The following RAD23A variants were observed in gnomAD, a reference collection of about 807,000 sequenced individuals.
RAD23A encodes RAD23 nucleotide excision repair protein A.
In RAD23A, 16 loss-of-function variants were observed where a neutral mutation model predicts 44.8. The ratio of observed to expected loss-of-function variants is 0.36; its 90% CI spans 0.24 to 0.54. The LOEUF is 0.54. Ranked by LOEUF, RAD23A falls within the 20% of genes least tolerant of loss-of-function variation. RAD23A has a pLI of 0.89. For missense variants in RAD23A, 380 were observed against 483.3 expected (o/e 0.79, Z 2.00); for synonymous variants, 217 against 202.9 (o/e 1.07, Z -0.59).
At position 12,948,129 on chromosome 19, in the gene RAD23A, G is replaced by A. The variant is rs371691885; in HGVS notation, c.235-48G>A. On this transcript the variant is annotated intron_variant, in intron 2 of 8. Transcript: ENST00000586534. The surrounding 1 kb of genome is among the most constrained non-coding windows in gnomAD (Gnocchi z 5.5). ...GGGGCCACAGCGGAGCGGGTTGTTGGGTCTGATAGGGTTGCTGATGCCAGC... is the reference window on the plus strand; with the variant it reads ...GGGGCCACAGCGGAGCGGGTTGTTGAGTCTGATAGGGTTGCTGATGCCAGC... 64 of 1,611,914 alleles carry A rather than the reference G, an allele frequency of 4.0e-5. No homozygotes were observed. Among genetic ancestry groups the A allele is most frequent in the Middle Eastern group, 1.7e-4 (1 of 5,906 alleles).
rs200238909 is a variant in RAD23A, at chr19:12,948,540, G to T, written c.460G>T (p.Ala154Ser). Residue 154 changes from alanine to serine, a missense_variant, in exon 4 of 9, where the codon GCC becomes TCC. Transcript: ENST00000586534. The surrounding 1 kb of genome is among the most constrained non-coding windows in gnomAD (Gnocchi z 5.5). ...TAGCAGCGGGCGAGAGGAAGACGCG[G>T]CCTCCACGCTAGGTGGGTGGGTGGT... is the stretch of plus-strand genomic sequence containing the variant. ...SGSSGREEDA[A>S]STLVTGSEYE... is the part of the protein sequence containing the mutation. 13 of 1,595,022 alleles carry T rather than the reference G, an allele frequency of 8.2e-6. No individual in the cohort carries two copies. The African/African-American group carries it at 1.3e-4, about 16-fold the overall frequency.
At chr19:12,947,719 G>A (rs1971704210) in intron 1 of RAD23A, 129 bp from the exon 2 acceptor site, 1 of 799,040 alleles carries the variant, frequency 1.3e-6, no homozygotes, top group East Asian at 2.4e-5. Context: ...TGCTTTAGAT[G>A]CTGAGAAAGC....
rs752710312 is a variant in RAD23A, at chr19:12,952,808, G to A, written c.933G>A (p.Met311Ile). 1 of 1,611,186 alleles carries A rather than the reference G, an allele frequency of 6.2e-7. No individual in the cohort carries two copies. The highest frequency in any genetic ancestry group is 8.5e-7 in the Non-Finnish European group (1 of 1,178,688). The change falls in exon 8 of 9, where the codon ATG becomes ATA. Residue 311 changes from methionine (M) to isoleucine (I), a missense_variant. Transcript: ENST00000586534. The stretch of plus-strand genomic sequence containing the variant: ...CCATAGGAGAGGAGGCCCCGCAGAT[G>A]AACTACATCCAGGTGACGCCGCAGG... Reference protein sequence around the residue: ...VGAIGEEAPQMNYIQVTPQEK... With the variant: ...VGAIGEEAPQINYIQVTPQEK...
intron 1 of RAD23A, 116 bp from the exon 2 acceptor site, chr19:12,947,731 TA>T: frequency 2.0e-6 from 2 of 984,116 alleles, no homozygotes; most frequent in African/African-American, 1.6e-5. Flanking sequence ...TGAGAAAGCT[TA>T]AAAAACCCAG....
chr19:12,952,962 C>T lies in RAD23A; in HGVS notation c.1005C>T (p.Ser335=). The change falls in exon 9 of 9, where the codon AGC becomes AGT. Residue 335 remains serine (S), a synonymous_variant. Transcript: ENST00000586534. The stretch of plus-strand genomic sequence containing the variant: ...TGAAGGCCCTGGGCTTCCCAGAGAG[C>T]CTGGTCATCCAGGCCTATTTCGCGT... ...ERLKALGFPE[S]LVIQAYFACE... The T allele has an allele frequency of 8.1e-6, 13 of 1,614,086 alleles. No individual in the cohort carries two copies. The highest frequency in any genetic ancestry group is 1.1e-5 in the Non-Finnish European group (13 of 1,179,998).
At chr19:12,947,760 C>T (rs1420172961) in intron 1 of RAD23A, 88 bp from the exon 2 acceptor site, 1 of 1,365,164 alleles carries the variant, frequency 7.3e-7, no homozygotes, top group African/African-American at 1.5e-5. Context: ...GCCTTTCTGC[C>T]ATCAGGGCTG....
chr19:12,946,124 G>A (rs1971665693), intron 1 of RAD23A, 104 bp downstream of exon 1: 1 of 1,179,030 alleles, frequency 8.5e-7, no homozygotes, highest in Non-Finnish European at 1.2e-6. Flanking sequence ...AGGACGGCGC[G>A]GGTCGGCCCT....
intron 7 of RAD23A, 179 bp downstream of exon 7, chr19:12,949,587 A>C: frequency 1.3e-6 from 1 of 761,688 alleles, no homozygotes; most frequent in Non-Finnish European, 2.1e-6. Flanking sequence ...AGTCTTCCCA[A>C]CCACCTTGTA....
Position 12,953,200 on chromosome 19 carries a change from GTCC to G in RAD23A, c.*156_*158del, listed in dbSNP as rs1971863880. The G allele has an allele frequency of 1.7e-6, 1 of 577,410 alleles. No homozygotes were observed. The highest frequency in any genetic ancestry group is 2.8e-6 in the Non-Finnish European group (1 of 353,038). The allele number at this position is 577,410 out of a possible 1,614,324, so 35.8% of individuals were successfully genotyped here. A position where few individuals can be genotyped will look rare whatever the true frequency, so the allele number is the denominator to read the frequency against. On this transcript the variant is annotated 3_prime_UTR_variant, in exon 9 of 9. Transcript: ENST00000586534. The stretch of plus-strand genomic sequence containing the variant: ...AAACAAGCAAACAGTCCAGCTTCCT[GTCC>G]TCCTAAAGTGGCCCCTGTTCCCATC...
In RAD23A at chr19:12,952,835, G is replaced by C. The variant is rs747588545; in HGVS notation, c.960G>C (p.Glu320Asp). 37 of 1,606,404 alleles carry C rather than the reference G, an allele frequency of 2.3e-5. No individual in the cohort carries two copies. Among genetic ancestry groups the C allele is most frequent in the African/African-American group, 8.0e-5 (6 of 74,586 alleles). ...QMNYIQVTPQEKEAIERLKAL... is the reference protein window; with the variant it reads ...QMNYIQVTPQDKEAIERLKAL... ...ACTACATCCAGGTGACGCCGCAGGA[G>C]AAAGAAGCTATAGAGAGGGTAAGAG... The change falls in exon 8 of 9, where the codon GAG becomes GAC. Residue 320 changes from glutamate to aspartate, a missense_variant. By Grantham distance (45) the Glu-to-Asp change is conservative (BLOSUM62 2). Coordinates refer to ENST00000586534, the MANE Select transcript of RAD23A (RefSeq NM_005053.4).
At position 12,948,510 on chromosome 19, in the gene RAD23A, T is replaced by C; in HGVS notation, c.430T>C (p.Ser144Pro). 2 of 1,593,658 alleles carry C rather than the reference T, an allele frequency of 1.3e-6. No individual in the cohort carries two copies. Among genetic ancestry groups the C allele is most frequent in the South Asian group, 1.1e-5 (1 of 88,806 alleles). The change falls in exon 4 of 9, where the codon TCA becomes CCA. Residue 144 changes from serine (S) to proline (P), a missense_variant. Transcript: ENST00000586534. The surrounding 1 kb of genome is among the most constrained non-coding windows in gnomAD (Gnocchi z 5.5). ...TTGAATTTGCAGCTCTGTTCCCTCT[T>C]CAGGTAGCAGCGGGCGAGAGGAAGA... ...PESVSGSVPS[S>P]GSSGREEDAA...
At chr19:12,951,968 G>C (rs1415742235) in intron 7 of RAD23A, among the ~76,000 whole-genome samples, 1 of 152,186 alleles carries the variant, frequency 6.6e-6, no homozygotes, top group South Asian at 2.1e-4. Context: ...TCTTGCCCAG[G>C]CTGGAGTGCA....
intron 7 of RAD23A, among the ~76,000 whole-genome samples, chr19:12,950,916 T>G (rs1971795302): frequency 6.6e-6 from 1 of 152,048 alleles, no homozygotes; most frequent in Non-Finnish European, 1.5e-5. Flanking sequence ...ATACAAAAAG[T>G]AGCTGAGCAT....
chr19:12,949,200 C>A, intron 6 of RAD23A, 41 bp downstream of exon 6: 4 of 1,614,094 alleles, frequency 2.5e-6, no homozygotes, highest in Non-Finnish European at 3.4e-6. Flanking sequence ...AGGTACCTGA[C>A]TCACATTACA....
chr19:12,948,403 C>T lies in RAD23A; in HGVS notation c.416+45C>T. Reference sequence around the variant, plus strand: ...CCCAGCTTGGGCCCTGTCCTCCTAGCACATTCCAGCGTCCACATAAGTGGT... The same window carrying T: ...CCCAGCTTGGGCCCTGTCCTCCTAGTACATTCCAGCGTCCACATAAGTGGT... On this transcript the variant is annotated intron_variant, in intron 3 of 8. Coordinates refer to ENST00000586534, the MANE Select transcript of RAD23A (RefSeq NM_005053.4). The surrounding 1 kb of genome is among the most constrained non-coding windows in gnomAD (Gnocchi z 5.5). 1 of 1,548,486 alleles carries T rather than the reference C, an allele frequency of 6.5e-7. No individual in the cohort carries two copies. The highest frequency in any genetic ancestry group is 8.7e-7 in the Non-Finnish European group (1 of 1,145,936).
chr19:12,950,299 C>A (rs1971774157), intron 7 of RAD23A, among the ~76,000 whole-genome samples: 1 of 152,234 alleles, frequency 6.6e-6, no homozygotes, highest in African/African-American at 2.4e-5. Flanking sequence ...TCCCACTCAG[C>A]CCCTCCCTGC....
intron 6 of RAD23A, 29 bp downstream of exon 6, chr19:12,949,188 C>G (rs1971742327): frequency 5.6e-6 from 9 of 1,614,000 alleles, no homozygotes; most frequent in Non-Finnish European, 7.6e-6. Context: ...CATCTGCCCT[C>G]CAGGTACCTG....
Position 12,948,187 on chromosome 19 carries a change from G to T in RAD23A, c.245G>T (p.Gly82Val). 1 of 1,614,030 alleles carries T rather than the reference G, an allele frequency of 6.2e-7. No individual in the cohort carries two copies. The highest frequency in any genetic ancestry group is 2.2e-5 in the East Asian group (1 of 44,882). Residue 82 changes from glycine (G) to valine (V), a missense_variant, in exon 3 of 9, where the codon GGC becomes GTC. Gly to Val is a moderately radical substitution (Grantham distance 109). Around this residue, in one of 3 missense-constraint regions of RAD23A, gnomAD observed 279 missense variants for 313.7 expected, o/e 0.89. Transcript: ENST00000586534. This position sits in a 1 kb window ranked among gnomAD's most constrained non-coding sequence, Gnocchi z 5.5. The stretch of plus-strand genomic sequence containing the variant: ...TTCTTGCTGTTGCAGACCAAAGCCG[G>T]CCAGGGTACCTCAGCACCCCCAGAG... ...VVVMVTKTKA[G>V]QGTSAPPEAS...
chr19:12,950,095 C>T (rs534572335), intron 7 of RAD23A, among the ~76,000 whole-genome samples: 28 of 152,258 alleles, frequency 1.8e-4, no homozygotes, highest in African/African-American at 5.8e-4. Context: ...ATGTAGCCAG[C>T]CCAGGCCTCT....
Sources: gnomAD v4.1 joint callset for allele counts (sites outside exome capture counted in the v4.1 genomes callset) on GRCh38, gnomAD v4.1.1 for gene constraint, gnomAD v4.1.1 regional missense constraint, Gnocchi (gnomAD v3.1) non-coding constraint, MANE v1.5 for transcripts, NCBI Gene and HGNC (gene_info 2026-07-23, HGNC 2026-07-21) for gene names.